NUDT7: variants seen among roughly 807,000 people sequenced by gnomAD.
The protein encoded by NUDT7 is peroxisomal coenzyme A diphosphatase NUDT7.
In NUDT7, 19 loss-of-function variants were observed where a neutral mutation model predicts 13.1. That is an observed-to-expected ratio of 1.45 (90% CI 1.01 to 2.13). The LOEUF (loss-of-function observed/expected upper bound fraction) is 2.13, where lower values mean the gene tolerates loss of function less well. Ranked by LOEUF, NUDT7 falls within the 30% of genes most tolerant of loss-of-function variation. The pLI, the probability that NUDT7 is intolerant of heterozygous loss-of-function variation, is 0.00. For missense variants in NUDT7, 360 were observed against 291.7 expected (o/e 1.23, Z -1.71); for synonymous variants, 132 against 109.7 (o/e 1.20, Z -1.27).
intron 2 of NUDT7, among the ~76,000 whole-genome samples, chr16:77,731,514 G>A (rs1453650452): frequency 2.6e-5 from 4 of 152,114 alleles, no homozygotes; most frequent in South Asian, 4.1e-4. Context: ...GTCTAAAAGT[G>A]TAGCACATAC....
At chr16:77,733,011 C>G (rs1347471583) in intron 2 of NUDT7, among the ~76,000 whole-genome samples, 1 of 152,148 alleles carries the variant, frequency 6.6e-6, no homozygotes, top group African/African-American at 2.4e-5. Context: ...TGTCCATCAG[C>G]CTTCTTTTCA....
chr16:77,722,723 C>G (rs2013997845), intron 1 of NUDT7, 106 bp downstream of exon 1: 3 of 1,054,882 alleles, frequency 2.8e-6, no homozygotes, highest in African/African-American at 3.1e-5. Context: ...GCAGCTCCCG[C>G]CAGTCCACCT....
intron 1 of NUDT7, among the ~76,000 whole-genome samples, chr16:77,723,736 C>T (rs146889805): frequency 0.011 from 1,666 of 151,960 alleles, 27 homozygotes; most frequent in African/African-American, 0.038. Flanking sequence ...GGATTACAGG[C>T]ATGTGCCACG....
At chr16:77,723,294 G>A (rs2014022441) in intron 1 of NUDT7, among the ~76,000 whole-genome samples, 2 of 152,184 alleles carry the variant, frequency 1.3e-5, no homozygotes, top group Non-Finnish European at 2.9e-5. Flanking sequence ...GATGCACTGT[G>A]CAATCCCTGT....
chr16:77,732,464 CAG>C (rs1292937849), intron 2 of NUDT7, among the ~76,000 whole-genome samples: 3 of 152,186 alleles, frequency 2.0e-5, no homozygotes, highest in African/African-American at 7.2e-5. Context: ...CTGACTCACA[CAG>C]AGCAGCTTTC....
At chr16:77,724,707 G>A (rs1360189514) in intron 1 of NUDT7, among the ~76,000 whole-genome samples, 1 of 152,208 alleles carries the variant, frequency 6.6e-6, no homozygotes, top group Admixed American at 6.5e-5. Context: ...AGGGGATACT[G>A]TTCAACCCAC....
At chr16:77,722,940 G>A (rs2014007282) in intron 1 of NUDT7, among the ~76,000 whole-genome samples, 1 of 152,166 alleles carries the variant, frequency 6.6e-6, no homozygotes, top group Admixed American at 6.5e-5. Flanking sequence ...CCCGCAGCAG[G>A]CAGCCCCGGA....
chr16:77,741,668 C>T lies in NUDT7; in HGVS notation c.435C>T (p.Phe145=). ...ATCCTGCTGAAGTTAAGGATGTATT[C>T]CTGGTGCCTCTGGCCTATTTCCTGC... ...QPNPAEVKDV[F]LVPLAYFLHP... The change falls in exon 4 of 4, where the codon TTC becomes TTT. Residue 145 remains phenylalanine, a synonymous_variant. Transcript: ENST00000268533. The T allele has an allele frequency of 6.2e-7, 1 of 1,614,160 alleles. No homozygotes were observed. Among genetic ancestry groups the T allele is most frequent in the Middle Eastern group, 1.6e-4 (1 of 6,062 alleles).
intron 3 of NUDT7, among the ~76,000 whole-genome samples, chr16:77,737,728 G>T (rs1024546598): frequency 6.6e-6 from 1 of 151,998 alleles, no homozygotes; most frequent in Non-Finnish European, 1.5e-5. Context: ...CTCATGATCC[G>T]CCTGCCTCAG....
intron 1 of NUDT7, 149 bp from the exon 2 acceptor site, chr16:77,725,282 T>C (rs77386725): frequency 0.018 from 11,265 of 641,434 alleles, 167 homozygotes; most frequent in Middle Eastern, 0.039. Context: ...TTAGATAGTA[T>C]CATTTCTGTC....
chr16:77,728,661 G>T (rs1236379304), intron 2 of NUDT7, among the ~76,000 whole-genome samples: 1 of 152,224 alleles, frequency 6.6e-6, no homozygotes, highest in Non-Finnish European at 1.5e-5. Context: ...CAGCACGGCT[G>T]CTGGCATGCC....
At chr16:77,731,618 G>T (rs1029209586) in intron 2 of NUDT7, among the ~76,000 whole-genome samples, 3 of 152,100 alleles carry the variant, frequency 2.0e-5, no homozygotes, top group African/African-American at 7.2e-5. Flanking sequence ...CATTATTTTA[G>T]AGTGTTCTTC....
At chr16:77,731,810 G>A (rs935426402) in intron 2 of NUDT7, among the ~76,000 whole-genome samples, 3 of 151,776 alleles carry the variant, frequency 2.0e-5, no homozygotes, top group Non-Finnish European at 4.4e-5. Context: ...TGATTATTCT[G>A]TGTGTTGTAT....
chr16:77,742,198 C>T lies in NUDT7; in HGVS notation c.*248C>T, dbSNP rs1597122172. The T allele has an allele frequency of 9.9e-7, 1 of 1,010,880 alleles. No individual in the cohort carries two copies. Among genetic ancestry groups the T allele is most frequent in the Non-Finnish European group, 1.3e-6 (1 of 798,240 alleles). 62.6% of individuals were successfully genotyped at this position (1,010,880 alleles called of 1,614,324 possible). ...CAATATGTTAATAATATTTTTCTTA[C>T]ACATATAATAAAGAATATCTGGCAC... On this transcript the variant is annotated 3_prime_UTR_variant, in exon 4 of 4. Transcript: ENST00000268533.
chr16:77,727,982 C>T (rs188653874), intron 2 of NUDT7, among the ~76,000 whole-genome samples: 6 of 152,250 alleles, frequency 3.9e-5, no homozygotes, highest in Admixed American at 6.5e-5. Flanking sequence ...TTTTGTTTCA[C>T]CCAGAGCCAC....
chr16:77,740,803 C>G (rs1315784804), intron 3 of NUDT7, among the ~76,000 whole-genome samples: 3 of 152,304 alleles, frequency 2.0e-5, no homozygotes, highest in Admixed American at 6.5e-5. Context: ...CCACCTCAGC[C>G]TCCCAAAGTG....
At chr16:77,724,133 CT>C (rs1257636343) in intron 1 of NUDT7, among the ~76,000 whole-genome samples, 5 of 152,168 alleles carry the variant, frequency 3.3e-5, no homozygotes, top group African/African-American at 1.2e-4. Context: ...TGGGGGTGAC[CT>C]TTCCTTGCCT....
intron 2 of NUDT7, among the ~76,000 whole-genome samples, chr16:77,733,349 T>A (rs1260424338): frequency 1.3e-5 from 2 of 152,184 alleles, no homozygotes; most frequent in African/African-American, 4.8e-5. Flanking sequence ...TCATAGATAG[T>A]CATCCTTTCA....
intron 2 of NUDT7, among the ~76,000 whole-genome samples, chr16:77,732,601 T>C (rs562937253): frequency 1.3e-5 from 2 of 152,166 alleles, no homozygotes; most frequent in Non-Finnish European, 2.9e-5. Context: ...TATGTTACTA[T>C]TGCCTGCAAT....
Sources: gnomAD v4.1 joint callset for allele counts (sites outside exome capture counted in the v4.1 genomes callset) on GRCh38, gnomAD v4.1.1 for gene constraint, MANE v1.5 for transcripts, NCBI Gene and HGNC (gene_info 2026-07-23, HGNC 2026-07-21) for gene names.